The following DENND5B variants were observed in gnomAD, a reference collection of about 807,000 sequenced individuals.
DENND5B encodes the protein DENN domain-containing protein 5B.
In DENND5B, 34 loss-of-function variants were observed where a neutral mutation model predicts 140.6. The ratio of observed to expected loss-of-function variants is 0.24; its 90% CI spans 0.18 to 0.32. DENND5B has a LOEUF of 0.32. Among genes scored for constraint, DENND5B ranks in the 10% least tolerant of loss-of-function variants. DENND5B has a pLI of 1.00. For missense variants in DENND5B, 1,142 were observed against 1,560.2 expected, an observed-to-expected ratio of 0.73 and a Z score of 4.52; for synonymous variants, 551 against 562.1, an observed-to-expected ratio of 0.98 and a Z score of 0.28.
In DENND5B at chr12:31,424,993, T is replaced by C. The variant is rs548524737; in HGVS notation, c.2239-306A>G. ...TGTCAAATTATTAACTTCTGTGATA[T>C]TGGGGAATTACAGCAGACTTAGAAA... On this transcript the variant is annotated intron_variant, in intron 9 of 20. Coordinates refer to ENST00000389082, the MANE Select transcript of DENND5B (RefSeq NM_144973.4). Among the ~76,000 whole-genome samples, 5 of 152,188 alleles carry C rather than the reference T, an allele frequency of 3.3e-5. No homozygotes were observed. The South Asian group carries it at 1.0e-3, about 31-fold the overall frequency.
At chr12:31,578,887 T>A (rs1276766425) in intron 1 of DENND5B, among the ~76,000 whole-genome samples, 1 of 152,172 alleles carries the variant, frequency 6.6e-6, no homozygotes, top group African/African-American at 2.4e-5. Flanking sequence ...TTCTCATCTA[T>A]CAAATGAGAA....
At chr12:31,514,966 A>T (rs569866891) in intron 1 of DENND5B, among the ~76,000 whole-genome samples, 60 of 151,740 alleles carry the variant, frequency 4.0e-4, no homozygotes, top group Admixed American at 7.9e-4. Context: ...AAAAAAAAAA[A>T]TTTTTTTTTA....
chr12:31,576,098 G>C (rs183017715), intron 1 of DENND5B, among the ~76,000 whole-genome samples: 2 of 144,912 alleles, frequency 1.4e-5, no homozygotes, highest in East Asian at 4.1e-4. Context: ...CTATGACTGT[G>C]CCACTGCACT....
At chr12:31,470,651 G>A (rs12821808) in intron 3 of DENND5B, among the ~76,000 whole-genome samples, 20,412 of 152,224 alleles carry the variant, frequency 0.13, 1,616 homozygotes, top group Non-Finnish European at 0.18. Context: ...TCAGAAGTGA[G>A]GACAGTCTTG....
intron 1 of DENND5B, among the ~76,000 whole-genome samples, chr12:31,540,622 C>T (rs2139162726): frequency 6.6e-6 from 1 of 152,048 alleles, no homozygotes; most frequent in East Asian, 1.9e-4. Flanking sequence ...CCACTGCACT[C>T]CAGCCTGGGC....
At chr12:31,567,507 AC>A (rs1949672337) in intron 1 of DENND5B, among the ~76,000 whole-genome samples, 1 of 145,378 alleles carries the variant, frequency 6.9e-6, no homozygotes, top group South Asian at 2.3e-4. Flanking sequence ...AGCCTGGGCA[AC>A]AGAGCAAGAC....
At chr12:31,481,310 T>C (rs1423396603) in intron 2 of DENND5B, among the ~76,000 whole-genome samples, 1 of 152,202 alleles carries the variant, frequency 6.6e-6, no homozygotes, top group African/African-American at 2.4e-5. Flanking sequence ...AAAAAACATT[T>C]ATTAAGTGCC....
intron 1 of DENND5B, among the ~76,000 whole-genome samples, chr12:31,524,856 A>T (rs546822517): frequency 6.6e-6 from 1 of 152,164 alleles, no homozygotes; most frequent in Non-Finnish European, 1.5e-5. Flanking sequence ...TCTTTTACTG[A>T]TTCTCTCACC....
chr12:31,546,065 T>TG (rs1293620411), intron 1 of DENND5B, among the ~76,000 whole-genome samples: 3 of 151,366 alleles, frequency 2.0e-5, no homozygotes, highest in African/African-American at 7.3e-5. Flanking sequence ...ATGGCTAGTG[T>TG]TTGTACTTTC....
chr12:31,440,261 C>T (rs373234773), intron 7 of DENND5B, among the ~76,000 whole-genome samples: 25 of 152,064 alleles, frequency 1.6e-4, no homozygotes, highest in East Asian at 7.7e-4. Flanking sequence ...CATTGCACGT[C>T]GTGGCTTCCA....
chr12:31,557,776 A>C (rs997909774), intron 1 of DENND5B, among the ~76,000 whole-genome samples: 1 of 150,816 alleles, frequency 6.6e-6, no homozygotes, highest in Non-Finnish European at 1.5e-5. Flanking sequence ...AACAATATAC[A>C]ACCTATTAAA....
At chr12:31,540,163 A>G (rs951115496) in intron 1 of DENND5B, among the ~76,000 whole-genome samples, 1 of 152,148 alleles carries the variant, frequency 6.6e-6, no homozygotes, top group Non-Finnish European at 1.5e-5. Context: ...AACTAACCAA[A>G]TAAGTGAAAA....
At position 31,433,217 on chromosome 12, in the gene DENND5B, G is replaced by C. The variant is rs748678281; in HGVS notation, c.2044C>G (p.Arg682Gly). The C allele has an allele frequency of 6.2e-7, 1 of 1,613,586 alleles. No homozygotes were observed. Among genetic ancestry groups the C allele is most frequent in the Admixed American group, 1.7e-5 (1 of 59,934 alleles). Residue 682 changes from arginine (R) to glycine (G), a missense_variant, in exon 8 of 21, where the codon CGC becomes GGC. Coordinates refer to ENST00000389082, the MANE Select transcript of DENND5B (RefSeq NM_144973.4). The part of the protein sequence containing the change: ...RWVSRSATAQ[R>G]RKERLRQHSE... Reference sequence around the variant, plus strand: ...TGCTGGCGAAGGCGTTCTTTCCTGCGCTGTGCAGTGGCACTCCGACTTACC... The same window carrying C: ...TGCTGGCGAAGGCGTTCTTTCCTGCCCTGTGCAGTGGCACTCCGACTTACC...
At chr12:31,483,640 A>C (rs191126872) in intron 2 of DENND5B, among the ~76,000 whole-genome samples, 3 of 151,696 alleles carry the variant, frequency 2.0e-5, no homozygotes, top group Non-Finnish European at 4.4e-5. Flanking sequence ...GGGTTTCACT[A>C]TGTTGGCCAG....
Position 31,480,191 on chromosome 12 carries a change from G to T in DENND5B, c.302C>A (p.Ser101Ter). The change falls in exon 3 of 21, where the codon TCA becomes TAA. Residue 101 changes from serine to a stop codon, truncating the protein, a stop_gained. Transcript: ENST00000389082. LOFTEE classifies it high-confidence loss of function. ...ACCATCTTCCCTGGTAATTATAAATGAGTGAAACTGGGGGTCTTTATTGTC... is the reference window on the plus strand; with the variant it reads ...ACCATCTTCCCTGGTAATTATAAATTAGTGAAACTGGGGGTCTTTATTGTC... ...QTDNKDPQFH[S>*]FIITREDGSR... is the part of the protein sequence containing the mutation. The T allele has an allele frequency of 6.2e-7, 1 of 1,602,980 alleles. No homozygotes were observed.
At chr12:31,451,461 C>G (rs1944520167) in intron 5 of DENND5B, among the ~76,000 whole-genome samples, 1 of 152,154 alleles carries the variant, frequency 6.6e-6, no homozygotes, top group African/African-American at 2.4e-5. Flanking sequence ...GTAGCTGGGA[C>G]TACAGGTGTG....
At chr12:31,475,191 C>T (rs1054102924) in intron 3 of DENND5B, among the ~76,000 whole-genome samples, 14 of 152,040 alleles carry the variant, frequency 9.2e-5, no homozygotes, top group African/African-American at 3.1e-4. Context: ...ATATACAATG[C>T]CTTTTTGTAG....
chr12:31,568,115 T>C (rs1413565571), intron 1 of DENND5B, among the ~76,000 whole-genome samples: 10 of 152,212 alleles, frequency 6.6e-5, no homozygotes, highest in Admixed American at 6.5e-4. Context: ...TCTGAAATTT[T>C]TTGACTGCTA....
At chr12:31,433,302 A>G in intron 7 of DENND5B, 54 bp from the exon 8 acceptor site, 1 of 1,498,014 alleles carries the variant, frequency 6.7e-7, no homozygotes, top group Non-Finnish European at 9.1e-7. Flanking sequence ...AATAGAAAGC[A>G]TTAACCATTC....
Sources: allele counts gnomAD v4.1 joint callset (sites outside exome capture counted in the v4.1 genomes callset), GRCh38; gene constraint gnomAD v4.1.1; transcripts MANE v1.5; gene names NCBI Gene and HGNC (gene_info 2026-07-23, HGNC 2026-07-21).